The following LHFPL3 variants were observed in gnomAD, a reference collection of about 807,000 sequenced individuals.
LHFPL3 encodes the protein LHFPL tetraspan subfamily member 3 protein.
LHFPL3 carries 5 observed loss-of-function variants against 19.3 expected under a neutral mutation model. The ratio of observed to expected loss-of-function variants is 0.26; its 90% CI spans 0.14 to 0.54. The LOEUF is 0.54. Among genes scored for constraint, LHFPL3 ranks in the 20% least tolerant of loss-of-function variants. The pLI is 0.94. For missense variants in LHFPL3, 249 were observed against 307.4 expected (o/e 0.81, Z 1.42); for synonymous variants, 133 against 126.2 (o/e 1.05, Z -0.36).
intron 1 of LHFPL3, among the ~76,000 whole-genome samples, chr7:104,519,033 C>T (rs1272789208): frequency 6.6e-6 from 1 of 152,046 alleles, no homozygotes; most frequent in East Asian, 1.9e-4. Flanking sequence ...GCTTTCTCTT[C>T]TCTTCTCTTC....
intron 1 of LHFPL3, among the ~76,000 whole-genome samples, chr7:104,500,577 T>C (rs1375509027): frequency 6.6e-6 from 1 of 152,172 alleles, no homozygotes; most frequent in African/African-American, 2.4e-5. Context: ...ATCTCCTCTC[T>C]CCCAGTTACT....
intron 1 of LHFPL3, among the ~76,000 whole-genome samples, chr7:104,329,866 A>C (rs1047019400): frequency 6.6e-6 from 1 of 152,222 alleles, no homozygotes; most frequent in Non-Finnish European, 1.5e-5. Context: ...CTCAATGTCA[A>C]GTCTTCAGTT....
intron 1 of LHFPL3, among the ~76,000 whole-genome samples, chr7:104,663,551 G>A (rs4358743): frequency 0.94 from 143,070 of 152,298 alleles, 67,811 homozygotes; most frequent in South Asian, 1. Flanking sequence ...GAGAATTCAT[G>A]TACAACATGC....
chr7:104,859,755 C>A (rs1193285318), intron 2 of LHFPL3, among the ~76,000 whole-genome samples: 2 of 152,066 alleles, frequency 1.3e-5, no homozygotes, highest in Non-Finnish European at 2.9e-5. Flanking sequence ...ACTTAGGATA[C>A]TATAATAGTG....
intron 1 of LHFPL3, among the ~76,000 whole-genome samples, chr7:104,719,912 A>C (rs1490858271): frequency 1.3e-5 from 2 of 152,216 alleles, no homozygotes; most frequent in African/African-American, 4.8e-5. Flanking sequence ...CACATGTAAA[A>C]AAATAATAAT....
Position 104,444,989 on chromosome 7 carries a change from C to CAAAA in LHFPL3, c.445+115774_445+115777dup, listed in dbSNP as rs34934942. Among the ~76,000 whole-genome samples, 9 of 140,814 alleles carry CAAAA rather than the reference C, an allele frequency of 6.4e-5. No individual in the cohort carries two copies. In the South Asian group the frequency reaches 6.8e-4, roughly 11 times the overall value. 92.4% of individuals were successfully genotyped at this position (140,814 alleles called of 152,430 possible). A position where few individuals can be genotyped will look rare whatever the true frequency, so the allele number is the denominator to read the frequency against. ...GGCAACAAGAGTGAAACTCCGTCTC[C>CAAAA]AAAAAAAAAAAAGAATATTTATCAC... On this transcript the variant is annotated intron_variant, in intron 1 of 2. Coordinates refer to ENST00000424859, the MANE Select transcript of LHFPL3 (RefSeq NM_199000.3).
intron 2 of LHFPL3, among the ~76,000 whole-genome samples, chr7:104,904,706 A>C (rs759975132): frequency 3.9e-5 from 6 of 152,150 alleles, no homozygotes; most frequent in Non-Finnish European, 8.8e-5. Context: ...CTGTGATGTA[A>C]AGCCTAACAG....
chr7:104,470,868 A>G (rs561564482), intron 1 of LHFPL3, among the ~76,000 whole-genome samples: 12 of 152,056 alleles, frequency 7.9e-5, no homozygotes, highest in Admixed American at 1.3e-4. Flanking sequence ...TCCGTCATCT[A>G]GTTTCTGGGG....
chr7:104,580,831 T>C (rs1790446313), intron 1 of LHFPL3, among the ~76,000 whole-genome samples: 1 of 152,068 alleles, frequency 6.6e-6, no homozygotes, highest in African/African-American at 2.4e-5. Flanking sequence ...CTCAGCATAA[T>C]TTTTTTAGAT....
chr7:104,450,459 AAACT>A (rs2116599672), intron 1 of LHFPL3, among the ~76,000 whole-genome samples: 1 of 152,302 alleles, frequency 6.6e-6, no homozygotes, highest in East Asian at 1.9e-4. Flanking sequence ...CATTCTGAGC[AAACT>A]AACACAAGAA....
At chr7:104,356,251 A>G (rs1009405808) in intron 1 of LHFPL3, among the ~76,000 whole-genome samples, 1 of 152,204 alleles carries the variant, frequency 6.6e-6, no homozygotes, top group East Asian at 1.9e-4. Flanking sequence ...AGAGTAGATA[A>G]AAGAACCTCC....
intron 2 of LHFPL3, among the ~76,000 whole-genome samples, chr7:104,811,942 C>T (rs956203072): frequency 2.0e-5 from 3 of 152,032 alleles, no homozygotes; most frequent in African/African-American, 7.2e-5. Context: ...GTCCCCCCAA[C>T]AAAAAAGATT....
At chr7:104,606,134 T>A (rs912837256) in intron 1 of LHFPL3, among the ~76,000 whole-genome samples, 3 of 152,152 alleles carry the variant, frequency 2.0e-5, no homozygotes, top group Admixed American at 6.5e-5. Context: ...GTGTTGAGAT[T>A]ACAGGCGTGA....
At chr7:104,357,620 A>C (rs1790305173) in intron 1 of LHFPL3, among the ~76,000 whole-genome samples, 1 of 152,210 alleles carries the variant, frequency 6.6e-6, no homozygotes, top group African/African-American at 2.4e-5. Flanking sequence ...TAAGAGATTT[A>C]TTCTAAGGAA....
chr7:104,802,186 G>A (rs1790264393), intron 2 of LHFPL3, among the ~76,000 whole-genome samples: 1 of 152,040 alleles, frequency 6.6e-6, no homozygotes, highest in African/African-American at 2.4e-5. Context: ...CTCATGAATG[G>A]AATTAGTGCC....
intron 2 of LHFPL3, among the ~76,000 whole-genome samples, chr7:104,841,235 T>G (rs977925703): frequency 1.3e-5 from 2 of 152,188 alleles, no homozygotes; most frequent in Non-Finnish European, 2.9e-5. Context: ...ATCACCCCTA[T>G]GATCCCAGGG....
In LHFPL3 at chr7:104,755,200, C is replaced by A. The variant is rs371629635; in HGVS notation, c.682+18289C>A. Among the ~76,000 whole-genome samples the A allele has an allele frequency of 3.9e-5, 6 of 152,234 alleles. 1 individual carries two copies. The East Asian group carries it at 9.7e-4, about 24-fold the overall frequency. On this transcript the variant is annotated intron_variant, in intron 2 of 2. Transcript: ENST00000424859. ...GACTAGAATGTCTTCCAGGTGATGACACGGCACAGAATAGTCAAGCCCAGC... is the reference window on the plus strand; with the variant it reads ...GACTAGAATGTCTTCCAGGTGATGAAACGGCACAGAATAGTCAAGCCCAGC...
intron 2 of LHFPL3, among the ~76,000 whole-genome samples, chr7:104,760,966 G>A (rs952237604): frequency 1.3e-5 from 2 of 149,450 alleles, no homozygotes; most frequent in Admixed American, 6.7e-5. Context: ...GCATATCATG[G>A]AGCCCATAAT....
At chr7:104,589,164 G>A (rs1790650161) in intron 1 of LHFPL3, among the ~76,000 whole-genome samples, 1 of 152,148 alleles carries the variant, frequency 6.6e-6, no homozygotes, top group South Asian at 2.1e-4. Flanking sequence ...TAGGAGTGGT[G>A]AGAGAGGGCA....
Sources: allele counts gnomAD v4.1 joint callset (sites outside exome capture counted in the v4.1 genomes callset), GRCh38; gene constraint gnomAD v4.1.1; transcripts MANE v1.5; gene names NCBI Gene and HGNC (gene_info 2026-07-23, HGNC 2026-07-21).